Variants in POLR3E observed in about 807,000 individuals in gnomAD.
The protein encoded by POLR3E is DNA-directed RNA polymerase III subunit RPC5.
Under a neutral mutation model 96.6 loss-of-function variants are expected in POLR3E, and 41 were observed. The observed-to-expected ratio is 0.42, with a 90% confidence interval of 0.33 to 0.55. The LOEUF is 0.55. Ranked by LOEUF, POLR3E falls within the 20% of genes least tolerant of loss-of-function variation. The pLI is 0.06. For synonymous variants in POLR3E, 396 were observed against 383.6 expected (o/e 1.03, Z -0.38); for missense variants, 849 against 952.1 (o/e 0.89, Z 1.43).
Position 22,326,296 on chromosome 16 carries a change from T to A in POLR3E, c.1866+18T>A. ...TGGTGCCTGTAAGTAGAGCCCTGCC[T>A]GCCAGGGGCATGGGGGGTGGGGGGT... is the stretch of plus-strand genomic sequence containing the variant. On this transcript the variant is annotated intron_variant, in intron 18 of 20. Transcript: ENST00000299853. 1.9e-6 allele frequency: 1 copy of A among 529,650 alleles called. No homozygotes were observed. Among genetic ancestry groups the A allele is most frequent in the Non-Finnish European group, 3.4e-6 (1 of 297,702 alleles). The allele number at this position is 529,650 out of a possible 1,614,324, so 32.8% of individuals were successfully genotyped here. A position where few individuals can be genotyped will look rare whatever the true frequency, so the allele number is the denominator to read the frequency against.
chr16:22,308,557 C>T, intron 4 of POLR3E: 1 of 445,662 alleles, frequency 2.2e-6, no homozygotes, highest in African/African-American at 2.0e-5. Context: ...CAGCTCTAGC[C>T]CCTCCAGCCA....
chr16:22,325,972 C>T lies in POLR3E; in HGVS notation c.1560C>T (p.Asp520=). 6.3e-7 allele frequency: 1 copy of T among 1,591,890 alleles called. No individual in the cohort carries two copies. The highest frequency in any genetic ancestry group is 8.6e-7 in the Non-Finnish European group (1 of 1,168,910). The change falls in exon 18 of 21, where the codon GAC becomes GAT. Residue 520 remains aspartate (D), a synonymous_variant. Transcript: ENST00000299853. The part of the protein sequence containing the change: ...EEQEAEEEPM[D]TSPSGLHSKL... The stretch of plus-strand genomic sequence containing the variant: ...AGGAGGCGGAGGAGGAGCCCATGGA[C>T]ACTTCCCCCAGCGGCCTCCACAGCA...
chr16:22,315,333 G>C (rs892574232), intron 9 of POLR3E, 125 bp downstream of exon 9: 5 of 1,036,228 alleles, frequency 4.8e-6, no homozygotes, highest in African/African-American at 4.8e-5. Flanking sequence ...ATAGAGGATC[G>C]AGTCCTGTGG....
chr16:22,328,467 G>A (rs1329543886), intron 18 of POLR3E, 43 bp from the exon 19 acceptor site: 6 of 1,523,080 alleles, frequency 3.9e-6, no homozygotes, highest in Non-Finnish European at 5.5e-6. Context: ...ATGGATCCAT[G>A]GGGTAGAGAT....
intron 2 of POLR3E, 83 bp from the exon 3 acceptor site, chr16:22,305,073 C>A: frequency 9.3e-7 from 1 of 1,075,556 alleles, no homozygotes; most frequent in Non-Finnish European, 1.5e-6. Context: ...CTGCCCTTAA[C>A]TGAAGCTGGA....
rs1323440283 is a variant in POLR3E at position 22,328,570 on chromosome 16, G to A, written c.1927G>A (p.Gly643Arg). 6.2e-7 allele frequency: 1 copy of A among 1,613,804 alleles called. No individual in the cohort carries two copies. Among genetic ancestry groups the A allele is most frequent in the Non-Finnish European group, 8.5e-7 (1 of 1,179,836 alleles). ...EQKVFALWESGDMSDQHRQVL... is the reference protein window; with the variant it reads ...EQKVFALWESRDMSDQHRQVL... The stretch of plus-strand genomic sequence containing the variant: ...GAAGGTGTTTGCCCTCTGGGAGTCT[G>A]GAGACATGAGTGATCAGGTGAGGTG... The change falls in exon 19 of 21, where the codon GGA becomes AGA. Residue 643 changes from glycine (G) to arginine (R), a missense_variant. Transcript: ENST00000299853.
rs193181930 is a variant in POLR3E at position 22,310,490 on chromosome 16, T to C, written c.364+980T>C. 3.5e-3 allele frequency among the ~76,000 whole-genome samples: 533 copies of C among 152,156 alleles called. 4 individuals carry two copies. Among genetic ancestry groups the C allele is most frequent in the African/African-American group, 0.012 (510 of 41,514 alleles). On this transcript the variant is annotated intron_variant, in intron 6 of 20. Coordinates refer to ENST00000299853, the MANE Select transcript of POLR3E (RefSeq NM_018119.4). The stretch of plus-strand genomic sequence containing the variant: ...TTAGTAGAGATGGGATTCTGCCACG[T>C]TGGCCAGGCTGATATCAAACTCCTG...
Position 22,324,584 on chromosome 16 carries a change from T to C in POLR3E, c.1210T>C (p.Tyr404His), listed in dbSNP as rs867039838. 3 of 1,613,308 alleles carry C rather than the reference T, an allele frequency of 1.9e-6. No homozygotes were observed. In the African/African-American group the frequency reaches 4.0e-5, roughly 22 times the overall value. The stretch of plus-strand genomic sequence containing the variant: ...CAAAGGCTGGGAGTTCATTCTGCCT[T>C]ATGATGGGGAGTTCATCAAGAAGCA... The part of the protein sequence containing the change: ...INKGWEFILP[Y>H]DGEFIKKHPD... Residue 404 changes from tyrosine (Y) to histidine (H), a missense_variant, in exon 16 of 21, where the codon TAT becomes CAT. Tyr to His is a moderately conservative substitution (Grantham distance 83, BLOSUM62 2). Coordinates refer to ENST00000299853, the MANE Select transcript of POLR3E (RefSeq NM_018119.4).
rs1217487443 is a variant in POLR3E, at chr16:22,322,409, C to T, written c.987-441C>T. On this transcript the variant is annotated intron_variant, in intron 13 of 20. Coordinates refer to ENST00000299853, the MANE Select transcript of POLR3E (RefSeq NM_018119.4). The surrounding 1 kb of genome is among the most constrained non-coding windows in gnomAD (Gnocchi z 5.2). ...CTAACATGCCTCCCCTGCCTCTGAC[C>T]TCGGTTCATGCCCACCTGCCCCTTT... Among the ~76,000 whole-genome samples, 1 of 152,154 alleles carries T rather than the reference C, an allele frequency of 6.6e-6. No individual in the cohort carries two copies. Among genetic ancestry groups the T allele is most frequent in the Non-Finnish European group, 1.5e-5 (1 of 68,028 alleles).
At position 22,314,197 on chromosome 16, in the gene POLR3E, C is replaced by T. The variant is rs372244238; in HGVS notation, c.522+69C>T. On this transcript the variant is annotated intron_variant, in intron 8 of 20. Transcript: ENST00000299853. The stretch of plus-strand genomic sequence containing the variant: ...AGCAGGACCAGAGACCAAGGGGTAG[C>T]GGGTCTTCACAGAATGCAGGTGGAG... 23 of 1,252,388 alleles carry T rather than the reference C, an allele frequency of 1.8e-5. No individual in the cohort carries two copies. In the East Asian group the frequency reaches 3.0e-4, roughly 17 times the overall value. 77.6% of individuals were successfully genotyped at this position (1,252,388 alleles called of 1,614,324 possible).
At position 22,313,610 on chromosome 16, in the gene POLR3E, C is replaced by T. The variant is rs775495877; in HGVS notation, c.365-10C>T. ...CTAGAGTTGAGTCCAAGCCCTTCTT[C>T]CTCCGCCAGGTGAGCTCCACCTGAC... On this transcript the variant is annotated splice_polypyrimidine_tract_variant and intron_variant, in intron 6 of 20. Coordinates refer to ENST00000299853, the MANE Select transcript of POLR3E (RefSeq NM_018119.4). The surrounding 1 kb of genome is among the most constrained non-coding windows in gnomAD (Gnocchi z 4.1). The T allele has an allele frequency of 2.3e-5, 36 of 1,597,842 alleles. No individual in the cohort carries two copies. Among genetic ancestry groups the T allele is most frequent in the Non-Finnish European group, 2.7e-5 (31 of 1,165,518 alleles).
chr16:22,324,304 T>C, intron 14 of POLR3E, 50 bp from the exon 15 acceptor site: 1 of 1,505,878 alleles, frequency 6.6e-7, no homozygotes, highest in Non-Finnish European at 9.2e-7. Flanking sequence ...GGGACAGTCC[T>C]GGGAGCAGTC....
chr16:22,317,653 GTTGTTGTTGTTGTTT>G (rs2048385801), intron 12 of POLR3E, among the ~76,000 whole-genome samples: 1 of 150,518 alleles, frequency 6.6e-6, no homozygotes, highest in Non-Finnish European at 1.5e-5. Context: ...TGTTGTTGTT[GTTGTTGTTGTTGTTT>G]TTTTTTTTAA....
intron 8 of POLR3E, among the ~76,000 whole-genome samples, chr16:22,314,349 A>G (rs956454626): frequency 2.6e-5 from 4 of 152,182 alleles, no homozygotes; most frequent in African/African-American, 9.7e-5. Context: ...GGGCTTGGCT[A>G]GAGTCACCTG....
In POLR3E at chr16:22,318,855, A is replaced by G; in HGVS notation, c.895A>G (p.Ser299Gly). The G allele has an allele frequency of 6.2e-7, 1 of 1,612,886 alleles. No individual in the cohort carries two copies. Among genetic ancestry groups the G allele is most frequent in the Non-Finnish European group, 8.5e-7 (1 of 1,179,352 alleles). The stretch of plus-strand genomic sequence containing the variant: ...GGTCATGCCTTTTGCCAACTTGATG[A>G]GCCTCCTGGGCCCCTCCATCGATTC... The part of the protein sequence containing the change: ...VKVMPFANLM[S>G]LLGPSIDSVA... Residue 299 changes from serine to glycine, a missense_variant, in exon 13 of 21, where the codon AGC becomes GGC. Ser to Gly is a moderately conservative substitution (Grantham distance 56, BLOSUM62 0). Transcript: ENST00000299853. The surrounding 1 kb of genome is among the most constrained non-coding windows in gnomAD (Gnocchi z 5.0).
chr16:22,317,245 C>T, intron 12 of POLR3E, 39 bp downstream of exon 12: 1 of 1,443,838 alleles, frequency 6.9e-7, no homozygotes. Context: ...GGCCCCAGTC[C>T]CAGTGGCTCC....
intron 17 of POLR3E, chr16:22,325,483 G>C (rs1413927671): frequency 2.3e-5 from 14 of 610,748 alleles, no homozygotes; most frequent in Non-Finnish European, 4.0e-5. Flanking sequence ...TTCCAGGGCT[G>C]AGTCTGGGTT....
At chr16:22,301,455 C>T (rs2048018120) in intron 1 of POLR3E, among the ~76,000 whole-genome samples, 1 of 152,148 alleles carries the variant, frequency 6.6e-6, no homozygotes, top group Admixed American at 6.5e-5. Flanking sequence ...ATGGTGCATG[C>T]CAATTATTGC....
chr16:22,319,559 C>T (rs1332433307), intron 13 of POLR3E, among the ~76,000 whole-genome samples: 1 of 152,010 alleles, frequency 6.6e-6, no homozygotes, highest in East Asian at 1.9e-4. Flanking sequence ...GCCACCACGC[C>T]CAGCTAATTT....
Sources: gnomAD v4.1 joint callset for allele counts (sites outside exome capture counted in the v4.1 genomes callset) on GRCh38, gnomAD v4.1.1 for gene constraint, Gnocchi (gnomAD v3.1) non-coding constraint, MANE v1.5 for transcripts, NCBI Gene and HGNC (gene_info 2026-07-23, HGNC 2026-07-21) for gene names.